The following KHDRBS2 variants were observed in gnomAD, a reference collection of about 807,000 sequenced individuals.
KHDRBS2 encodes KH RNA binding domain containing, signal transduction associated 2.
A neutral mutation model predicts 44.3 loss-of-function variants in KHDRBS2; 26 were observed. That is an observed-to-expected ratio of 0.59 (90% CI 0.43 to 0.81). The LOEUF (loss-of-function observed/expected upper bound fraction) is 0.81. KHDRBS2 is among the 40% of genes least tolerant of loss of function. The pLI is 0.00. For missense variants in KHDRBS2, 476 were observed against 433.1 expected (o/e 1.10, Z -0.88); for synonymous variants, 194 against 151.1 (o/e 1.28, Z -2.08).
the KHDRBS2 span, among the ~76,000 whole-genome samples, chr6:61,575,357 G>T: frequency 3.8e-4 from 58 of 152,204 alleles, no homozygotes; most frequent in Admixed American, 2.7e-3. Flanking sequence ...AGAAACATAT[G>T]AAAAAATGCT....
chr6:61,707,936 T>C (rs555588695), intron 7 of KHDRBS2, among the ~76,000 whole-genome samples: 40 of 151,800 alleles, frequency 2.6e-4, no homozygotes, highest in Middle Eastern at 6.8e-3. Context: ...TCTCTTTTTA[T>C]AATAAAATCA....
At chr6:61,885,416 G>A (rs1219783531) in intron 6 of KHDRBS2, among the ~76,000 whole-genome samples, 12 of 151,994 alleles carry the variant, frequency 7.9e-5, no homozygotes, top group Admixed American at 7.9e-4. Context: ...AGCATATTCT[G>A]GCCCAATACA....
chr6:62,204,873 T>TAA (rs569226960), intron 1 of KHDRBS2, among the ~76,000 whole-genome samples: 10 of 149,460 alleles, frequency 6.7e-5, no homozygotes, highest in Non-Finnish European at 1.0e-4. Flanking sequence ...TGTATTTTGT[T>TAA]AAAAAAAAAA....
At chr6:61,638,361 C>A in the KHDRBS2 span, among the ~76,000 whole-genome samples, 5,958 of 152,034 alleles carry the variant, frequency 0.039, 295 homozygotes, top group East Asian at 0.22. Flanking sequence ...CGCATATCTA[C>A]AACTATCTGA....
At chr6:61,848,543 A>ATATATATACATATATATATG in intron 6 of KHDRBS2, among the ~76,000 whole-genome samples, 1 of 56,710 alleles carries the variant, frequency 1.8e-5, no homozygotes, top group Admixed American at 1.7e-4. Flanking sequence ...ATATATATGT[A>ATATATATACATATATATATG]TATATATACA....
the KHDRBS2 span, among the ~76,000 whole-genome samples, chr6:61,600,895 T>A: frequency 6.6e-6 from 1 of 152,202 alleles, no homozygotes; most frequent in South Asian, 2.1e-4. Context: ...TTCAGTTCCT[T>A]TCCTTTTCTG....
chr6:62,095,896 A>G (rs910660921), intron 2 of KHDRBS2, among the ~76,000 whole-genome samples: 1 of 151,986 alleles, frequency 6.6e-6, no homozygotes, highest in East Asian at 1.9e-4. Context: ...CATTCCTTCT[A>G]TTACTAACTT....
intron 6 of KHDRBS2, among the ~76,000 whole-genome samples, chr6:61,825,085 T>C (rs1790622620): frequency 6.6e-6 from 1 of 152,150 alleles, no homozygotes; most frequent in Admixed American, 6.6e-5. Context: ...TTAATATTTA[T>C]GTTATTTTAG....
At chr6:61,786,476 G>T in intron 6 of KHDRBS2, among the ~76,000 whole-genome samples, 1 of 151,898 alleles carries the variant, frequency 6.6e-6, no homozygotes, top group Non-Finnish European at 1.5e-5. Context: ...CCATAATTTT[G>T]TCAAGAGAGT....
intron 2 of KHDRBS2, among the ~76,000 whole-genome samples, chr6:62,098,147 A>G (rs1355610247): frequency 1.3e-5 from 2 of 152,022 alleles, no homozygotes; most frequent in Non-Finnish European, 2.9e-5. Flanking sequence ...TCTTCATTCT[A>G]AAGATATGTC....
chr6:61,920,544 G>A (rs1807890051), intron 4 of KHDRBS2, among the ~76,000 whole-genome samples: 1 of 151,854 alleles, frequency 6.6e-6, no homozygotes, highest in African/African-American at 2.4e-5. Context: ...AAATCATGAA[G>A]TGCTAAGTAT....
the KHDRBS2 span, among the ~76,000 whole-genome samples, chr6:61,620,325 T>C: frequency 1.3e-5 from 2 of 152,174 alleles, no homozygotes; most frequent in African/African-American, 2.4e-5. Flanking sequence ...GTATTATTGA[T>C]TCTTTTAATT....
chr6:61,819,130 T>C (rs1244496673), intron 6 of KHDRBS2, among the ~76,000 whole-genome samples: 1 of 151,958 alleles, frequency 6.6e-6, no homozygotes, highest in Non-Finnish European at 1.5e-5. Flanking sequence ...TTTTAACCAC[T>C]GAGAAATCTT....
intron 1 of KHDRBS2, among the ~76,000 whole-genome samples, chr6:62,217,265 T>C (rs1237871008): frequency 6.6e-6 from 1 of 151,626 alleles, no homozygotes; most frequent in Non-Finnish European, 1.5e-5. Flanking sequence ...ATCAATCCTA[T>C]ATTCAAATGA....
chr6:62,086,373 T>TA (rs567449142), intron 2 of KHDRBS2, among the ~76,000 whole-genome samples: 6 of 152,118 alleles, frequency 3.9e-5, no homozygotes, highest in Non-Finnish European at 1.5e-5. Flanking sequence ...TTGATAGCTA[T>TA]AAAAAATATT....
intron 2 of KHDRBS2, among the ~76,000 whole-genome samples, chr6:62,090,944 G>C (rs1428588993): frequency 6.6e-6 from 1 of 152,192 alleles, no homozygotes; most frequent in Non-Finnish European, 1.5e-5. Context: ...GGGTTAGAAT[G>C]GCAGAGCTCT....
intron 3 of KHDRBS2, among the ~76,000 whole-genome samples, chr6:62,003,986 TG>T (rs1223304976): frequency 5.3e-5 from 8 of 152,180 alleles, no homozygotes; most frequent in Non-Finnish European, 4.4e-5. Flanking sequence ...CCAGAATCTC[TG>T]GGACACATTT....
In KHDRBS2 at chr6:62,024,491, C is replaced by A. The variant is rs1782939784; in HGVS notation, c.336+23387G>T. Among the ~76,000 whole-genome samples the A allele has an allele frequency of 2.0e-5, 3 of 151,360 alleles. No individual in the cohort carries two copies. The South Asian group carries it at 6.2e-4, about 31-fold the overall frequency. ...ATTACTAAAGTTTTGTCATATCTCACCCTATTTAAAGTGATAAATTTTAAA... is the reference window on the plus strand; with the variant it reads ...ATTACTAAAGTTTTGTCATATCTCAACCTATTTAAAGTGATAAATTTTAAA... On this transcript the variant is annotated intron_variant, in intron 3 of 8. Transcript: ENST00000281156.
chr6:62,047,890 TC>T lies in KHDRBS2; in HGVS notation c.323del (p.Arg108LysfsTer9), dbSNP rs754259900. On this transcript the variant is annotated frameshift_variant, in exon 3 of 9. Coordinates refer to ENST00000281156, the MANE Select transcript of KHDRBS2 (RefSeq NM_152688.4). LOFTEE classifies it high-confidence loss of function. ...CAAAGTTCAGTACCTTAGCTTTATC[TC>T]TCATTGATCCTTTGCCCAGGATAGA... ...KMSILGKGSM[R>X]DKAKEEELRK... 1 of 1,602,514 alleles carries T rather than the reference TC, an allele frequency of 6.2e-7. No individual in the cohort carries two copies. Among genetic ancestry groups the T allele is most frequent in the South Asian group, 1.1e-5 (1 of 90,818 alleles).
Sources: allele counts gnomAD v4.1 joint callset (sites outside exome capture counted in the v4.1 genomes callset), GRCh38; gene constraint gnomAD v4.1.1; transcripts MANE v1.5; gene names NCBI Gene and HGNC (gene_info 2026-07-23, HGNC 2026-07-21).